RESF1: variants seen among roughly 807,000 people sequenced by gnomAD.
RESF1 encodes the protein gonad expressed transcript.
Under a neutral mutation model 134.7 loss-of-function variants are expected in RESF1, and 65 were observed. The ratio of observed to expected loss-of-function variants is 0.48; its 90% CI spans 0.40 to 0.59. The LOEUF (loss-of-function observed/expected upper bound fraction) is 0.59, where lower values mean the gene tolerates loss of function less well. RESF1 is among the 20% of genes least tolerant of loss of function. RESF1 has a pLI of 0.00. For missense variants in RESF1, 2,274 were observed against 2,002.7 expected (o/e 1.14, Z -2.59); for synonymous variants, 762 against 702.2 (o/e 1.09, Z -1.35).
At chr12:31,964,407 G>T (rs1939351816) in intron 2 of RESF1, among the ~76,000 whole-genome samples, 1 of 152,126 alleles carries the variant, frequency 6.6e-6, no homozygotes, top group Non-Finnish European at 1.5e-5. Context: ...GGTTTCCTGT[G>T]TTAGTTTGCT....
rs750396911 is a variant in RESF1, at chr12:31,984,789, G to A, written c.3834G>A (p.Gln1278=). The change falls in exon 4 of 6, where the codon CAG becomes CAA. Residue 1278 remains glutamine (Q), a synonymous_variant. Coordinates refer to ENST00000312561, the MANE Select transcript of RESF1 (RefSeq NM_018169.4). ...PRTEQELVAG[Q]FSSKCDKLNP... The stretch of plus-strand genomic sequence containing the variant: ...CAGAACAAGAATTAGTTGCTGGTCA[G>A]TTTTCATCTAAATGTGATAAACTAA... 1 of 1,611,410 alleles carries A rather than the reference G, an allele frequency of 6.2e-7. No individual in the cohort carries two copies. The highest frequency in any genetic ancestry group is 8.5e-7 in the Non-Finnish European group (1 of 1,179,496).
At position 31,992,452 on chromosome 12, in the gene RESF1, G is replaced by C. The variant is rs370224384; in HGVS notation, c.5161G>C (p.Asp1721His). Residue 1721 changes from aspartate (D) to histidine (H), a missense_variant, in exon 6 of 6, where the codon GAT (aspartate) becomes CAT (histidine). Asp to His is a moderately conservative substitution (Grantham distance 81). Coordinates refer to ENST00000312561, the MANE Select transcript of RESF1 (RefSeq NM_018169.4). ...TGAGATGCTACAAAACCCAGTAAAA[G>C]ATTCAAAAGAAATGTTTCAAACCTA... ...GFEMLQNPVK[D>H]SKEMFQTYKQ... is the part of the protein sequence containing the mutation. The C allele has an allele frequency of 3.9e-5, 63 of 1,613,826 alleles. No homozygotes were observed. The highest frequency in any genetic ancestry group is 5.1e-5 in the Non-Finnish European group (60 of 1,179,890).
At chr12:31,970,945 C>T (rs954443970) in intron 3 of RESF1, among the ~76,000 whole-genome samples, 1 of 152,142 alleles carries the variant, frequency 6.6e-6, no homozygotes, top group Non-Finnish European at 1.5e-5. Context: ...GGTATGTCTT[C>T]CCAGATTGAT....
chr12:31,983,009 C>T lies in RESF1; in HGVS notation c.2054C>T (p.Ser685Leu). 6.2e-7 allele frequency: 1 copy of T among 1,614,096 alleles called. No individual in the cohort carries two copies. The change falls in exon 4 of 6, where the codon TCA becomes TTA. Residue 685 changes from serine to leucine, a missense_variant. Transcript: ENST00000312561. ...TCLSLWKKQP[S>L]DTAKEKECDK... ...CTTTCCCTGTGGAAAAAGCAACCTT[C>T]AGATACTGCAAAAGAAAAGGAGTGT...
chr12:31,961,306 T>C (rs1218322086), intron 2 of RESF1, among the ~76,000 whole-genome samples: 1 of 152,176 alleles, frequency 6.6e-6, no homozygotes, highest in East Asian at 1.9e-4. Flanking sequence ...ACAAAGTGTG[T>C]TAGGAAGTCT....
At chr12:31,966,634 G>C (rs1939402779) in intron 2 of RESF1, among the ~76,000 whole-genome samples, 1 of 152,176 alleles carries the variant, frequency 6.6e-6, no homozygotes, top group African/African-American at 2.4e-5. Context: ...TAGGGAGAAA[G>C]CCCTGTGGCT....
chr12:31,960,470 GTCGGATT>G (rs1431296268), intron 1 of RESF1, among the ~76,000 whole-genome samples: 1 of 152,174 alleles, frequency 6.6e-6, no homozygotes, highest in Non-Finnish European at 1.5e-5. Flanking sequence ...CCCCTGTGCA[GTCGGATT>G]TTTTTCTGTT....
chr12:31,983,847 T>C lies in RESF1; in HGVS notation c.2892T>C (p.Asp964=), dbSNP rs747879011. Residue 964 remains aspartate (D), a synonymous_variant, in exon 4 of 6, where the codon GAT becomes GAC. Coordinates refer to ENST00000312561, the MANE Select transcript of RESF1 (RefSeq NM_018169.4). The part of the protein sequence containing the change: ...FQKDKPVQCT[D]VSHKICDQSK... The stretch of plus-strand genomic sequence containing the variant: ...AAGATAAACCTGTACAGTGCACAGA[T>C]GTTTCACATAAAATATGTGATCAGT... 6.2e-7 allele frequency: 1 copy of C among 1,613,416 alleles called. No individual in the cohort carries two copies. The highest frequency in any genetic ancestry group is 8.5e-7 in the Non-Finnish European group (1 of 1,179,992).
rs759928212 is a variant in RESF1 at position 31,985,459 on chromosome 12, G to A, written c.4504G>A (p.Val1502Met). 1.2e-5 allele frequency: 20 copies of A among 1,608,594 alleles called. No homozygotes were observed. The highest frequency in any genetic ancestry group is 3.4e-5 in the Admixed American group (2 of 58,386). Reference protein sequence around the residue: ...GKSNEKHSSGVQTSKESLNGL... With the variant: ...GKSNEKHSSGMQTSKESLNGL... Reference sequence around the variant, plus strand: ...ATCAAATGAGAAACACAGCAGCGGCGTGCAGACCTCTAAAGAATCATTAAA... The same window carrying A: ...ATCAAATGAGAAACACAGCAGCGGCATGCAGACCTCTAAAGAATCATTAAA... Residue 1502 changes from valine (V) to methionine (M), a missense_variant, in exon 4 of 6, where the codon GTG becomes ATG. Coordinates refer to ENST00000312561, the MANE Select transcript of RESF1 (RefSeq NM_018169.4).
chr12:31,964,524 G>T (rs1294075600), intron 2 of RESF1, among the ~76,000 whole-genome samples: 1 of 152,140 alleles, frequency 6.6e-6, no homozygotes, highest in East Asian at 1.9e-4. Context: ...TCTTTATGCG[G>T]TTTACCGTTG....
Position 31,985,887 on chromosome 12 carries a change from G to C in RESF1, c.4932G>C (p.Lys1644Asn). The change falls in exon 4 of 6, where the codon AAG becomes AAC. Residue 1644 changes from lysine (K) to asparagine (N), a missense_variant. Transcript: ENST00000312561. ...AATTATGTCCAGATATCTTACTAAA[G>C]AATACAAACTCTGTGGAAGAACGGA... ...EFKLCPDILLKNTNSVEERKD... is the reference protein window; with the variant it reads ...EFKLCPDILLNNTNSVEERKD... 6.5e-7 allele frequency: 1 copy of C among 1,532,472 alleles called. No homozygotes were observed. Among genetic ancestry groups the C allele is most frequent in the Non-Finnish European group, 8.7e-7 (1 of 1,148,908 alleles). 94.9% of individuals were successfully genotyped at this position (1,532,472 alleles called of 1,614,324 possible).
intron 3 of RESF1, among the ~76,000 whole-genome samples, chr12:31,976,985 A>G (rs1183298596): frequency 6.6e-6 from 1 of 152,174 alleles, no homozygotes; most frequent in Non-Finnish European, 1.5e-5. Context: ...TTCCCTATAT[A>G]GGCTGGATAT....
At position 31,982,767 on chromosome 12, in the gene RESF1, A is replaced by G. The variant is rs774020262; in HGVS notation, c.1812A>G (p.Gln604=). The G allele has an allele frequency of 1.3e-5, 21 of 1,614,158 alleles. No individual in the cohort carries two copies. The highest frequency in any genetic ancestry group is 3.3e-5 in the Admixed American group (2 of 60,014). Residue 604 remains glutamine (Q), a synonymous_variant, in exon 4 of 6, where the codon CAA becomes CAG. Transcript: ENST00000312561. ...AGACAGTATTAAAAGATGCTAATCAAACTATTCAGGATTCTAAACCAGACA... is the reference window on the plus strand; with the variant it reads ...AGACAGTATTAAAAGATGCTAATCAGACTATTCAGGATTCTAAACCAGACA... ...TQKTVLKDAN[Q]TIQDSKPDSC...
In RESF1 at chr12:31,985,033, G is replaced by C; in HGVS notation, c.4078G>C (p.Glu1360Gln). The change falls in exon 4 of 6, where the codon GAA becomes CAA. Residue 1360 changes from glutamate (E) to glutamine (Q), a missense_variant. Coordinates refer to ENST00000312561, the MANE Select transcript of RESF1 (RefSeq NM_018169.4). ...HSSLGQSLSP[E>Q]KIKLKLKSVS... Reference sequence around the variant, plus strand: ...TTCTTTGGGACAGTCATTATCACCAGAAAAGATAAAATTGAAACTCAAATC... The same window carrying C: ...TTCTTTGGGACAGTCATTATCACCACAAAAGATAAAATTGAAACTCAAATC... 1 of 1,586,710 alleles carries C rather than the reference G, an allele frequency of 6.3e-7. No individual in the cohort carries two copies. The highest frequency in any genetic ancestry group is 2.2e-5 in the East Asian group (1 of 44,698).
Position 31,990,996 on chromosome 12 carries a change from A to G in RESF1, c.5087-1382A>G, listed in dbSNP as rs1940082576. 2.6e-5 allele frequency among the ~76,000 whole-genome samples: 4 copies of G among 152,002 alleles called. No homozygotes were observed. The South Asian group carries it at 6.2e-4, about 24-fold the overall frequency. ...GATGGCTTGAGCCCAGGAGTTTGAG[A>G]CCAGCTTCGGCAACATCAGGAGATC... On this transcript the variant is annotated intron_variant, in intron 5 of 5. Coordinates refer to ENST00000312561, the MANE Select transcript of RESF1 (RefSeq NM_018169.4).
At chr12:31,973,725 A>G (rs1014419838) in intron 3 of RESF1, among the ~76,000 whole-genome samples, 1 of 152,034 alleles carries the variant, frequency 6.6e-6, no homozygotes, top group African/African-American at 2.4e-5. Context: ...CTTCCTACCC[A>G]TATGCTCTGT....
rs1401661567 is a variant in RESF1, at chr12:31,989,839, A to G, written c.5086+2517A>G. The stretch of plus-strand genomic sequence containing the variant: ...TGCACTCCAGCTTGGGCGACAGAGC[A>G]AAACTCTGTCTCAAAAAAAAAGTCA... On this transcript the variant is annotated intron_variant, in intron 5 of 5. Transcript: ENST00000312561. Among the ~76,000 whole-genome samples, 17 of 151,970 alleles carry G rather than the reference A, an allele frequency of 1.1e-4. No homozygotes were observed. In the East Asian group the frequency reaches 3.3e-3, roughly 30 times the overall value.
At position 31,983,367 on chromosome 12, in the gene RESF1, G is replaced by A. The variant is rs1939859451; in HGVS notation, c.2412G>A (p.Leu804=). 6.2e-7 allele frequency: 1 copy of A among 1,613,952 alleles called. No individual in the cohort carries two copies. The highest frequency in any genetic ancestry group is 8.5e-7 in the Non-Finnish European group (1 of 1,180,014). Residue 804 remains leucine (L), a synonymous_variant, in exon 4 of 6, where the codon TTG becomes TTA. Coordinates refer to ENST00000312561, the MANE Select transcript of RESF1 (RefSeq NM_018169.4). ...GTGTTTGTAGTTTACAAAATCAATT[G>A]GCAGAAAATGCAAAGGCAACTGCTG... The part of the protein sequence containing the change: ...EGSVCSLQNQ[L]AENAKATAAL...
intron 3 of RESF1, among the ~76,000 whole-genome samples, chr12:31,975,200 G>C (rs1040802403): frequency 6.6e-6 from 1 of 152,068 alleles, no homozygotes; most frequent in African/African-American, 2.4e-5. Flanking sequence ...CTTGAACCCG[G>C]GAGGTGGAGG....
Sources: gnomAD v4.1 joint callset for allele counts (sites outside exome capture counted in the v4.1 genomes callset) on GRCh38, gnomAD v4.1.1 for gene constraint, MANE v1.5 for transcripts, NCBI Gene and HGNC (gene_info 2026-07-23, HGNC 2026-07-21) for gene names.